IGF2R: variants seen among roughly 807,000 people sequenced by gnomAD.
The protein encoded by IGF2R is cation-independent mannose-6-phosphate receptor.
In IGF2R, 91 loss-of-function variants were observed where a neutral mutation model predicts 270.6. The observed-to-expected ratio is 0.34, with a 90% confidence interval of 0.28 to 0.40. IGF2R has a LOEUF of 0.40. IGF2R is among the 10% of genes least tolerant of loss of function. IGF2R has a pLI of 1.00. For synonymous variants in IGF2R, 1,316 were observed against 1,258.9 expected, an observed-to-expected ratio of 1.05 and a Z score of -0.96; for missense variants, 2,805 against 3,188.3, an observed-to-expected ratio of 0.88 and a Z score of 2.90.
rs55818378 is a variant in IGF2R, at chr6:160,103,340, G to A, written c.6996-406G>A. ...TGTCCAAAAAAAAAAAAAAAGTACC[G>A]ATTGTGGCCCTCTACACCCAAAATG... On this transcript the variant is annotated intron_variant, in intron 46 of 47. Transcript: ENST00000356956. Among the ~76,000 whole-genome samples the A allele has an allele frequency of 6.1e-3, 922 of 151,558 alleles. 8 individuals carry two copies. The highest frequency in any genetic ancestry group is 0.021 in the African/African-American group (871 of 41,326).
At chr6:160,088,288 G>A in intron 42 of IGF2R, 141 bp downstream of exon 42, 2 of 642,974 alleles carry the variant, frequency 3.1e-6, no homozygotes, top group South Asian at 1.7e-5. Context: ...ATTGGGCGGG[G>A]CTGCTCCAGG....
chr6:159,971,458 T>C (rs1199076813), intron 1 of IGF2R, among the ~76,000 whole-genome samples: 1 of 152,238 alleles, frequency 6.6e-6, no homozygotes, highest in African/African-American at 2.4e-5. Flanking sequence ...TCTTAGAATA[T>C]CTTAAAAGTT....
At chr6:159,977,129 T>A (rs1783707187) in intron 1 of IGF2R, among the ~76,000 whole-genome samples, 1 of 152,248 alleles carries the variant, frequency 6.6e-6, no homozygotes, top group Non-Finnish European at 1.5e-5. Context: ...AGCTGCCTGT[T>A]CTTTCTGCGT....
rs1294224118 is a variant in IGF2R at position 160,052,616 on chromosome 6, A to G, written c.2694+1964A>G. Among the ~76,000 whole-genome samples, 4 of 152,194 alleles carry G rather than the reference A, an allele frequency of 2.6e-5. No homozygotes were observed. The East Asian group carries it at 7.7e-4, about 29-fold the overall frequency. On this transcript the variant is annotated intron_variant, in intron 19 of 47. Coordinates refer to ENST00000356956, the MANE Select transcript of IGF2R (RefSeq NM_000876.4). ...TTCATATGGAACCAAAAAAGAGCCCACATTGCCAAGACAATCCTAAGCAAA... is the reference window on the plus strand; with the variant it reads ...TTCATATGGAACCAAAAAAGAGCCCGCATTGCCAAGACAATCCTAAGCAAA...
Position 160,033,062 on chromosome 6 carries a change from C to T in IGF2R, c.1166C>T (p.Thr389Ile). The T allele has an allele frequency of 6.2e-7, 1 of 1,613,248 alleles. No individual in the cohort carries two copies. Among genetic ancestry groups the T allele is most frequent in the South Asian group, 1.1e-5 (1 of 91,074 alleles). The change falls in exon 9 of 48, where the codon ACC becomes ATC. Residue 389 changes from threonine (T) to isoleucine (I), a missense_variant. Around this residue, in one of 2 missense-constraint regions of IGF2R, gnomAD observed 954 missense variants for 981.1 expected, o/e 0.97. Coordinates refer to ENST00000356956, the MANE Select transcript of IGF2R (RefSeq NM_000876.4). ...GTTTGCCAAGTGAAAAAGAGCGATA[C>T]CTCTCAAGTCAAAGCAGCAGGAAGA... is the stretch of plus-strand genomic sequence containing the variant. The part of the protein sequence containing the change: ...AAVCQVKKSD[T>I]SQVKAAGRYH...
In IGF2R at chr6:160,080,165, T is replaced by C. The variant is rs758648214; in HGVS notation, c.5723T>C (p.Ile1908Thr). 4.9e-5 allele frequency: 79 copies of C among 1,613,934 alleles called. No individual in the cohort carries two copies. The highest frequency in any genetic ancestry group is 4.9e-5 in the Non-Finnish European group (58 of 1,179,900). The change falls in exon 39 of 48, where the codon ATA becomes ACA. Residue 1908 changes from isoleucine (I) to threonine (T), a missense_variant. Around this residue, in one of 2 missense-constraint regions of IGF2R, gnomAD observed 1,851 missense variants for 2,207.2 expected, o/e 0.84. Transcript: ENST00000356956. ...DDGVPCVFPF[I>T]FNGKSYEECI... ...GGCGTCCCCTGTGTCTTCCCCTTCA[T>C]ATTCAATGGGAAGAGCTACGAGGAG... is the stretch of plus-strand genomic sequence containing the variant.
intron 44 of IGF2R, among the ~76,000 whole-genome samples, chr6:160,092,234 A>G (rs534571782): frequency 8.2e-6 from 1 of 122,676 alleles, no homozygotes; most frequent in South Asian, 3.2e-4. Context: ...TTCTCATAGC[A>G]GGGTGACACC....
chr6:160,058,594 T>C (rs1388304066), intron 21 of IGF2R, among the ~76,000 whole-genome samples: 2 of 152,250 alleles, frequency 1.3e-5, no homozygotes, highest in African/African-American at 4.8e-5. Flanking sequence ...TATTATAACA[T>C]TATGACTTCT....
rs758638135 is a variant in IGF2R, at chr6:160,084,385, G to A, written c.6068+201G>A. Among the ~76,000 whole-genome samples, 17 of 152,174 alleles carry A rather than the reference G, an allele frequency of 1.1e-4. No homozygotes were observed. The highest frequency in any genetic ancestry group is 1.9e-4 in the Non-Finnish European group (13 of 68,024). On this transcript the variant is annotated intron_variant, in intron 40 of 47. Transcript: ENST00000356956. The surrounding 1 kb of genome is among the most constrained non-coding windows in gnomAD (Gnocchi z 4.6). ...CAGAGGGTGGTTCTGAGGTCAGAGTGGGGGCAGGAGCTTTGGTGACTGGAA... is the reference window on the plus strand; with the variant it reads ...CAGAGGGTGGTTCTGAGGTCAGAGTAGGGGCAGGAGCTTTGGTGACTGGAA...
At chr6:160,068,144 C>G in intron 29 of IGF2R, 105 bp from the exon 30 acceptor site, 3 of 1,295,376 alleles carry the variant, frequency 2.3e-6, no homozygotes, top group South Asian at 2.8e-5. Flanking sequence ...AAAGTTCTGT[C>G]AGGCTTAGAC....
chr6:160,043,180 A>G lies in IGF2R; in HGVS notation c.1513A>G (p.Ser505Gly). ...GCAGAATTGGGAAGCTGTGGATGGCAGTCAGACGGAAACAGAGAAGAAGCA... is the reference window on the plus strand; with the variant it reads ...GCAGAATTGGGAAGCTGTGGATGGCGGTCAGACGGAAACAGAGAAGAAGCA... ...PEQNWEAVDGSQTETEKKHFF... is the reference protein window; with the variant it reads ...PEQNWEAVDGGQTETEKKHFF... Residue 505 changes from serine to glycine, a missense_variant, in exon 12 of 48, where the codon AGT becomes GGT. Physicochemically the swap from Ser to Gly is moderately conservative, Grantham distance 56. Transcript: ENST00000356956. 6.2e-7 allele frequency: 1 copy of G among 1,614,230 alleles called. No individual in the cohort carries two copies. The highest frequency in any genetic ancestry group is 8.5e-7 in the Non-Finnish European group (1 of 1,180,030).
Position 160,024,640 on chromosome 6 carries a change from T to G in IGF2R, c.582T>G (p.Gly194=). The change falls in exon 5 of 48, where the codon GGT becomes GGG. Residue 194 remains glycine, a synonymous_variant. Coordinates refer to ENST00000356956, the MANE Select transcript of IGF2R (RefSeq NM_000876.4). ...HDLNPLIKLS[G]AYLVDDSDPD... ...TCAATCCTCTGATCAAGCTTAGTGG[T>G]GCCTACTTGGTGGATGACTCCGATC... The G allele has an allele frequency of 1.9e-6, 3 of 1,614,054 alleles. No individual in the cohort carries two copies. Among genetic ancestry groups the G allele is most frequent in the Non-Finnish European group, 2.5e-6 (3 of 1,179,930 alleles).
intron 41 of IGF2R, among the ~76,000 whole-genome samples, chr6:160,086,481 A>G (rs903618254): frequency 2.0e-5 from 3 of 152,140 alleles, no homozygotes; most frequent in African/African-American, 7.2e-5. Flanking sequence ...TGCTTAATAT[A>G]TGTTTAATCC....
Position 160,102,521 on chromosome 6 carries a change from T to G in IGF2R, c.6845T>G (p.Val2282Gly), listed in dbSNP as rs756835745. ...WYTSAVCPLG[V>G]GFDSENPGDD... Reference sequence around the variant, plus strand: ...CCTTTTCTGTGACGTCCTTGCAGGGTGGGCTTTGACAGCGAGAATCCCGGG... The same window carrying G: ...CCTTTTCTGTGACGTCCTTGCAGGGGGGGCTTTGACAGCGAGAATCCCGGG... Residue 2282 changes from valine (V) to glycine (G), a missense_variant and splice_region_variant, in exon 46 of 48, where the codon GTG (valine) becomes GGG (glycine). Coordinates refer to ENST00000356956, the MANE Select transcript of IGF2R (RefSeq NM_000876.4). The surrounding 1 kb of genome is among the most constrained non-coding windows in gnomAD (Gnocchi z 4.5). 1.2e-6 allele frequency: 2 copies of G among 1,611,320 alleles called. No homozygotes were observed. The highest frequency in any genetic ancestry group is 8.5e-7 in the Non-Finnish European group (1 of 1,179,266).
At chr6:159,999,777 T>A (rs1414045831) in intron 2 of IGF2R, among the ~76,000 whole-genome samples, 1 of 152,166 alleles carries the variant, frequency 6.6e-6, no homozygotes, top group African/African-American at 2.4e-5. Context: ...AATCCCTCCT[T>A]TAGATCACAT....
At position 160,068,322 on chromosome 6, in the gene IGF2R, A is replaced by G; in HGVS notation, c.4189A>G (p.Thr1397Ala). ...YSDNWEAITG[T>A]GDPEHYLINV... is the part of the protein sequence containing the mutation. Reference sequence around the variant, plus strand: ...TGACAACTGGGAAGCCATCACTGGGACGGGGGACCCGGAGCACTACCTCAT... The same window carrying G: ...TGACAACTGGGAAGCCATCACTGGGGCGGGGGACCCGGAGCACTACCTCAT... The change falls in exon 30 of 48, where the codon ACG becomes GCG. Residue 1397 changes from threonine to alanine, a missense_variant. Physicochemically the swap from Thr to Ala is moderately conservative, Grantham distance 58. Coordinates refer to ENST00000356956, the MANE Select transcript of IGF2R (RefSeq NM_000876.4). 1.9e-6 allele frequency: 3 copies of G among 1,614,254 alleles called. No individual in the cohort carries two copies. The highest frequency in any genetic ancestry group is 2.5e-6 in the Non-Finnish European group (3 of 1,180,048).
chr6:160,104,528 G>T, intron 47 of IGF2R, 146 bp from the exon 48 acceptor site: 1 of 774,002 alleles, frequency 1.3e-6, no homozygotes, highest in South Asian at 1.8e-5. Flanking sequence ...CTTTCCCTGG[G>T]AACTGGAGAT....
intron 44 of IGF2R, chr6:160,093,516 A>G (rs575068252): frequency 3.4e-6 from 2 of 590,520 alleles, no homozygotes; most frequent in East Asian, 3.1e-5. Flanking sequence ...ACGTCTGTAC[A>G]GCCGGTTCAG....
At chr6:160,068,885 G>A (rs1778650877) in intron 30 of IGF2R, among the ~76,000 whole-genome samples, 1 of 152,318 alleles carries the variant, frequency 6.6e-6, no homozygotes, top group Middle Eastern at 3.4e-3. Context: ...GACGAAGAAT[G>A]ATTTAAGGGT....
Sources: gnomAD v4.1 joint callset for allele counts (sites outside exome capture counted in the v4.1 genomes callset) on GRCh38, gnomAD v4.1.1 for gene constraint, gnomAD v4.1.1 regional missense constraint, Gnocchi (gnomAD v3.1) non-coding constraint, MANE v1.5 for transcripts, NCBI Gene and HGNC (gene_info 2026-07-23, HGNC 2026-07-21) for gene names.